Variants in TPP2 observed in about 807,000 individuals in gnomAD.
The protein encoded by TPP2 is tripeptidyl peptidase 2.
TPP2 carries 34 observed loss-of-function variants against 155.9 expected under a neutral mutation model. The observed-to-expected ratio is 0.22, with a 90% CI of 0.17 to 0.29. The LOEUF is 0.29. TPP2 is among the 10% of genes least tolerant of loss of function. The pLI is 1.00. For missense variants in TPP2, 1,028 were observed against 1,522.3 expected, an observed-to-expected ratio of 0.68 and a Z score of 5.40; for synonymous variants, 510 against 529.4, an observed-to-expected ratio of 0.96 and a Z score of 0.50.
chr13:102,677,580 C>T (rs1885359278), intron 29 of TPP2, among the ~76,000 whole-genome samples: 1 of 152,188 alleles, frequency 6.6e-6, no homozygotes, highest in Non-Finnish European at 1.5e-5. Context: ...GCACAAACAG[C>T]CACACCTTTT....
At position 102,654,897 on chromosome 13, in the gene TPP2, C is replaced by T. The variant is rs1343191495; in HGVS notation, c.2992-2159C>T. 6 of 461,304 alleles carry T rather than the reference C, an allele frequency of 1.3e-5. 1 individual carries two copies. The highest frequency in any genetic ancestry group is 7.7e-5 in the South Asian group (5 of 64,844). 28.6% of individuals were successfully genotyped at this position (461,304 alleles called of 1,614,324 possible). On this transcript the variant is annotated intron_variant, in intron 24 of 29. Coordinates refer to ENST00000376052, the MANE Select transcript of TPP2 (RefSeq NM_001330588.2). ...TACCTTGGCTTTGCTCAGGGCAGTG[C>T]CTACCCAGAGAGTGAACCTCAAGAA...
chr13:102,648,053 A>C (rs1281474812), intron 21 of TPP2, among the ~76,000 whole-genome samples: 1 of 152,194 alleles, frequency 6.6e-6, no homozygotes, highest in Non-Finnish European at 1.5e-5. Context: ...GGCCTACTGC[A>C]GTGCTATTAT....
chr13:102,611,055 A>G (rs1191997093), intron 2 of TPP2, among the ~76,000 whole-genome samples: 1 of 152,202 alleles, frequency 6.6e-6, no homozygotes, highest in East Asian at 1.9e-4. Context: ...TCATTCATAA[A>G]ATTTCATCAT....
chr13:102,627,791 T>G (rs1881742964), intron 7 of TPP2, 57 bp from the exon 8 acceptor site: 1 of 1,284,728 alleles, frequency 7.8e-7, no homozygotes, highest in Non-Finnish European at 1.1e-6. Context: ...CTTATTTTAC[T>G]GGCTAATCTG....
Position 102,647,207 on chromosome 13 carries a change from C to T in TPP2, c.2491C>T (p.Pro831Ser). 1 of 1,608,974 alleles carries T rather than the reference C, an allele frequency of 6.2e-7. No individual in the cohort carries two copies. The highest frequency in any genetic ancestry group is 8.5e-7 in the Non-Finnish European group (1 of 1,177,728). Residue 831 changes from proline to serine, a missense_variant and splice_region_variant, in exon 21 of 30, where the codon CCC (proline) becomes TCC (serine). Pro to Ser is a moderately conservative substitution (Grantham distance 74). This residue lies in a region of TPP2 where 325 missense variants were observed against 463.7 expected (regional missense o/e 0.70). Transcript: ENST00000376052. ...EMVLTYNFHQPKSGEVTPSCP... is the reference protein window; with the variant it reads ...EMVLTYNFHQSKSGEVTPSCP... Reference sequence around the variant, plus strand: ...AGTAATCTTTTTTGTTTTTTAATAGCCCAAGAGTGGGGAAGTAACTCCAAG... The same window carrying T: ...AGTAATCTTTTTTGTTTTTTAATAGTCCAAGAGTGGGGAAGTAACTCCAAG...
intron 5 of TPP2, among the ~76,000 whole-genome samples, chr13:102,619,617 A>C (rs1881007087): frequency 6.6e-6 from 1 of 152,242 alleles, no homozygotes; most frequent in Non-Finnish European, 1.5e-5. Context: ...CCCTTCTTAA[A>C]GGAGGGTTCT....
Position 102,646,287 on chromosome 13 carries a change from A to G in TPP2, c.2394-7A>G. ...ATCAAACCAGTTATGTAGTTTCCTC[A>G]TTACAGCCCAGTGAGTGCAAAAACA... On this transcript the variant is annotated splice_region_variant and splice_polypyrimidine_tract_variant and intron_variant, in intron 19 of 29. Transcript: ENST00000376052. 2 of 1,606,612 alleles carry G rather than the reference A, an allele frequency of 1.2e-6. No individual in the cohort carries two copies. Among genetic ancestry groups the G allele is most frequent in the Non-Finnish European group, 8.5e-7 (1 of 1,177,442 alleles).
In TPP2 at chr13:102,640,486, T is replaced by A. The variant is rs865898518; in HGVS notation, c.2020+110T>A. ...CATGTATTTCCCTGGTACTAATATA[T>A]GTATTTGGGTACCTTAGACTTTCTG... On this transcript the variant is annotated intron_variant, in intron 16 of 29. Coordinates refer to ENST00000376052, the MANE Select transcript of TPP2 (RefSeq NM_001330588.2). The A allele has an allele frequency of 2.2e-5, 18 of 809,714 alleles. 1 individual carries two copies. The Middle Eastern group carries it at 2.1e-3, about 94-fold the overall frequency. The allele number at this position is 809,714 out of a possible 1,614,324, so 50.2% of individuals were successfully genotyped here.
At chr13:102,620,985 C>A (rs1232936797) in intron 5 of TPP2, among the ~76,000 whole-genome samples, 2 of 152,162 alleles carry the variant, frequency 1.3e-5, no homozygotes, top group African/African-American at 4.8e-5. Context: ...CTCATCCTCC[C>A]CACTTACATG....
intron 25 of TPP2, among the ~76,000 whole-genome samples, chr13:102,661,782 GGCAAGTATGTGGACAAA>G (rs1884247785): frequency 1.3e-5 from 2 of 152,130 alleles, no homozygotes; most frequent in Admixed American, 1.3e-4. Flanking sequence ...GATGAGTTTT[GGCAAGTATGTGGACAAA>G]GCAGAATCCT....
chr13:102,664,589 T>C (rs1377313951), intron 26 of TPP2, among the ~76,000 whole-genome samples: 1 of 152,174 alleles, frequency 6.6e-6, no homozygotes, highest in Non-Finnish European at 1.5e-5. Flanking sequence ...GTATTTTTAT[T>C]ATGCATCTGA....
intron 27 of TPP2, among the ~76,000 whole-genome samples, chr13:102,673,873 A>G (rs767533920): frequency 3.3e-5 from 5 of 152,256 alleles, no homozygotes; most frequent in Non-Finnish European, 5.9e-5. Context: ...CTAGTCATGA[A>G]CTGAAAGTTT....
chr13:102,652,401 T>C (rs7329898), intron 24 of TPP2, among the ~76,000 whole-genome samples: 294 of 1,504 alleles, frequency 0.2, no homozygotes, highest in Non-Finnish European at 0.23. Flanking sequence ...TACATACATA[T>C]ATATATATAT....
At chr13:102,654,980 G>GT (rs747531160) in intron 24 of TPP2, 32 of 507,954 alleles carry the variant, frequency 6.3e-5, no homozygotes, top group Non-Finnish European at 1.1e-4. Context: ...CAATAGACCT[G>GT]TTTCCTTTTC....
chr13:102,651,369 C>T lies in TPP2; in HGVS notation c.2963C>T (p.Ala988Val), dbSNP rs777454035. The T allele has an allele frequency of 2.3e-5, 36 of 1,583,768 alleles. 1 individual carries two copies. The South Asian group carries it at 3.1e-4, about 14-fold the overall frequency. The change falls in exon 24 of 30, where the codon GCA becomes GTA. Residue 988 changes from alanine to valine, a missense_variant. Coordinates refer to ENST00000376052, the MANE Select transcript of TPP2 (RefSeq NM_001330588.2). ...TELGKKAGQSAAKRQGKFKKD... is the reference protein window; with the variant it reads ...TELGKKAGQSVAKRQGKFKKD... ...CGTTCTAACTCCCAGGGGCAGTCTG[C>T]AGCAAAACGACAAGGAAAATTTAAA...
chr13:102,648,796 C>T, intron 21 of TPP2, 111 bp from the exon 22 acceptor site: 2 of 1,395,072 alleles, frequency 1.4e-6, no homozygotes, highest in South Asian at 1.5e-5. Flanking sequence ...CACTGTACCT[C>T]ACATATTATG....
chr13:102,607,250 T>C (rs1879910772), intron 2 of TPP2, among the ~76,000 whole-genome samples: 1 of 152,222 alleles, frequency 6.6e-6, no homozygotes. Flanking sequence ...CAGAAGTGTT[T>C]TAGGTTTCAG....
intron 17 of TPP2, 78 bp from the exon 18 acceptor site, chr13:102,644,479 C>A: frequency 2.4e-6 from 3 of 1,258,828 alleles, no homozygotes; most frequent in Admixed American, 2.3e-5. Context: ...CAGAATTGCT[C>A]TGAAACAGCT....
Position 102,636,372 on chromosome 13 carries a change from C to T in TPP2, c.1658C>T (p.Pro553Leu), listed in dbSNP as rs1555301298. ...TCAGATCATGGCGTTGGCATTGAAC[C>T]TGTATTTCCGGAGAACACAGGTCAG... ...APSDHGVGIE[P>L]VFPENTENSE... The change falls in exon 13 of 30, where the codon CCT (proline) becomes CTT (leucine). Residue 553 changes from proline (P) to leucine (L), a missense_variant. This residue lies in a region of TPP2 where 325 missense variants were observed against 463.7 expected (regional missense o/e 0.70). Coordinates refer to ENST00000376052, the MANE Select transcript of TPP2 (RefSeq NM_001330588.2). The T allele has an allele frequency of 1.2e-6, 2 of 1,612,858 alleles. No homozygotes were observed. The highest frequency in any genetic ancestry group is 1.7e-6 in the Non-Finnish European group (2 of 1,179,612).
Sources: gnomAD v4.1 joint callset for allele counts (sites outside exome capture counted in the v4.1 genomes callset) on GRCh38, gnomAD v4.1.1 for gene constraint, gnomAD v4.1.1 regional missense constraint, MANE v1.5 for transcripts, NCBI Gene and HGNC (gene_info 2026-07-23, HGNC 2026-07-21) for gene names.